The following LHX4 variants were observed in gnomAD, a reference collection of about 807,000 sequenced individuals.
LHX4 encodes LIM/homeobox protein Lhx4.
Under a neutral mutation model 39.2 loss-of-function variants are expected in LHX4, and 16 were observed. That is an observed-to-expected ratio of 0.41 (90% confidence interval 0.28 to 0.62). The LOEUF is 0.62. Among genes scored for constraint, LHX4 ranks in the 20% least tolerant of loss-of-function variants. The pLI, the probability that LHX4 is intolerant of heterozygous loss-of-function variation, is 0.33. For synonymous variants in LHX4, 206 were observed against 198.1 expected, an observed-to-expected ratio of 1.04 and a Z score of -0.33; for missense variants, 439 against 511.9, an observed-to-expected ratio of 0.86 and a Z score of 1.37.
chr1:180,256,759 T>C (rs1411364802), intron 2 of LHX4, among the ~76,000 whole-genome samples: 1 of 152,070 alleles, frequency 6.6e-6, no homozygotes, highest in Admixed American at 6.6e-5. Context: ...CCCCGATGCG[T>C]CTCCCGCTCG....
rs1648319823 is a variant in LHX4, at chr1:180,266,534, T to C, written c.391T>C (p.Tyr131His). ...NRQLATGDEF[Y>H]LMEDGRLVCK... is the part of the protein sequence containing the mutation. The stretch of plus-strand genomic sequence containing the variant: ...GCAGCTGGCCACGGGGGACGAATTC[T>C]ACCTCATGGAGGACGGGCGGCTGGT... Residue 131 changes from tyrosine (Y) to histidine (H), a missense_variant, in exon 3 of 6, where the codon TAC becomes CAC. Tyr to His is a moderately conservative substitution (Grantham distance 83). Coordinates refer to ENST00000263726, the MANE Select transcript of LHX4 (RefSeq NM_033343.4). The surrounding 1 kb of genome is among the most constrained non-coding windows in gnomAD (Gnocchi z 5.7). The C allele has an allele frequency of 1.2e-6, 2 of 1,614,074 alleles. No individual in the cohort carries two copies. The highest frequency in any genetic ancestry group is 2.2e-5 in the South Asian group (2 of 91,090).
At chr1:180,261,058 C>A (rs1057379873) in intron 2 of LHX4, among the ~76,000 whole-genome samples, 1 of 151,866 alleles carries the variant, frequency 6.6e-6, no homozygotes, top group African/African-American at 2.4e-5. Flanking sequence ...GTTTAGTAAA[C>A]CATGGGCCTC....
upstream of LHX4, among the ~76,000 whole-genome samples, chr1:180,229,969 G>GGGGC (rs1331926125): frequency 1.3e-3 from 184 of 145,086 alleles, no homozygotes; most frequent in Non-Finnish European, 2.5e-3. Context: ...CGGGGAGGGG[G>GGGGC]GGGGGGTGCC....
rs965284536 is a variant in LHX4, at chr1:180,274,773, A to G, written c.*194A>G. 1.4e-5 allele frequency: 9 copies of G among 638,448 alleles called. No individual in the cohort carries two copies. The highest frequency in any genetic ancestry group is 2.4e-5 in the Non-Finnish European group (9 of 379,434). The allele number at this position is 638,448 out of a possible 1,614,324, so 39.5% of individuals were successfully genotyped here. On this transcript the variant is annotated 3_prime_UTR_variant, in exon 6 of 6. Transcript: ENST00000263726. ...TGTTTCCCTGGGGAAGCAGTGGGAG[A>G]GCAGACTCATCTCAGAACACAGCAC... is the stretch of plus-strand genomic sequence containing the variant.
At chr1:180,273,566 T>C (rs1648822551) in intron 5 of LHX4, 1 of 152,612 alleles carries the variant, frequency 6.6e-6, no homozygotes, top group Non-Finnish European at 1.5e-5. Flanking sequence ...ATCCCCTTAA[T>C]GAAATTCTTT....
In LHX4 at chr1:180,267,375, C is replaced by T. The variant is rs191639432; in HGVS notation, c.451+781C>T. 7.9e-5 allele frequency among the ~76,000 whole-genome samples: 12 copies of T among 152,402 alleles called. No individual in the cohort carries two copies. In the East Asian group the frequency reaches 1.5e-3, roughly 20 times the overall value. On this transcript the variant is annotated intron_variant, in intron 3 of 5. Coordinates refer to ENST00000263726, the MANE Select transcript of LHX4 (RefSeq NM_033343.4). The stretch of plus-strand genomic sequence containing the variant: ...CCTGGAAAGGCCTAGCTTGGCCTGG[C>T]GGCAGCGGCTCTCGCCCTACATGCC...
At chr1:180,251,184 TGGC>T (rs1647612094) in intron 2 of LHX4, among the ~76,000 whole-genome samples, 1 of 152,198 alleles carries the variant, frequency 6.6e-6, no homozygotes, top group Non-Finnish European at 1.5e-5. Flanking sequence ...CCAGAGGCAC[TGGC>T]GCATCAGAGC....
At chr1:180,274,103 A>G (rs1648866865) in intron 5 of LHX4, 82 bp from the exon 6 acceptor site, 2 of 1,551,726 alleles carry the variant, frequency 1.3e-6, no homozygotes, top group Admixed American at 3.3e-5. Context: ...TTTCCTGGTC[A>G]TGTGTGTTCC....
intron 1 of LHX4, among the ~76,000 whole-genome samples, chr1:180,243,629 G>A (rs1488103809): frequency 6.6e-6 from 1 of 152,062 alleles, no homozygotes; most frequent in Non-Finnish European, 1.5e-5. Flanking sequence ...AAGTAGGGAT[G>A]GGCGCCATCA....
At chr1:180,243,608 C>T (rs1181654393) in intron 1 of LHX4, among the ~76,000 whole-genome samples, 1 of 152,050 alleles carries the variant, frequency 6.6e-6, no homozygotes, top group Non-Finnish European at 1.5e-5. Context: ...CACAGGTCTC[C>T]ACATCCTCAC....
At chr1:180,268,752 C>T (rs1178293295) in intron 3 of LHX4, among the ~76,000 whole-genome samples, 1 of 152,184 alleles carries the variant, frequency 6.6e-6, no homozygotes, top group Non-Finnish European at 1.5e-5. Flanking sequence ...CTGGCCTGTT[C>T]CCCGGGTCCT....
chr1:180,239,337 G>T (rs922996426), intron 1 of LHX4, among the ~76,000 whole-genome samples: 4 of 152,176 alleles, frequency 2.6e-5, no homozygotes, highest in Non-Finnish European at 5.9e-5. Flanking sequence ...TCTGCAATTT[G>T]TTGTTTTCTC....
At chr1:180,240,141 A>T (rs1482054774) in intron 1 of LHX4, among the ~76,000 whole-genome samples, 3 of 152,254 alleles carry the variant, frequency 2.0e-5, no homozygotes. Flanking sequence ...ACATCAAAGT[A>T]CAAACTTTAC....
At chr1:180,233,448 C>G (rs2149251439) in intron 1 of LHX4, among the ~76,000 whole-genome samples, 1 of 152,294 alleles carries the variant, frequency 6.6e-6, no homozygotes, top group East Asian at 1.9e-4. Flanking sequence ...GTAGGGACGT[C>G]GAGATCCGAA....
intron 2 of LHX4, among the ~76,000 whole-genome samples, chr1:180,252,791 T>G (rs562256754): frequency 3.9e-5 from 6 of 152,166 alleles, no homozygotes; most frequent in African/African-American, 1.4e-4. Context: ...CAGGGGCATG[T>G]GGCGATCCTG....
At position 180,230,860 on chromosome 1, in the gene LHX4, A is replaced by G. The variant is rs1558205585; in HGVS notation, c.76+255A>G. 6.6e-6 allele frequency among the ~76,000 whole-genome samples: 1 copy of G among 152,216 alleles called. No individual in the cohort carries two copies. The highest frequency in any genetic ancestry group is 2.4e-5 in the African/African-American group (1 of 41,460). On this transcript the variant is annotated intron_variant, in intron 1 of 5. Coordinates refer to ENST00000263726, the MANE Select transcript of LHX4 (RefSeq NM_033343.4). This position sits in a 1 kb window ranked among gnomAD's most constrained non-coding sequence, Gnocchi z 5.8. Reference sequence around the variant, plus strand: ...TACCGAACCCCGCATCTCCAGCCCAAGGCTTTTCTTGGAACGCTGGGGAGA... The same window carrying G: ...TACCGAACCCCGCATCTCCAGCCCAGGGCTTTTCTTGGAACGCTGGGGAGA...
At chr1:180,230,097 G>A (rs2149250186), upstream of LHX4, among the ~76,000 whole-genome samples, 1 of 152,050 alleles carries the variant, frequency 6.6e-6, no homozygotes. This position sits in a 1 kb window ranked among gnomAD's most constrained non-coding sequence, Gnocchi z 5.8. Flanking sequence ...CCGGGTTGGG[G>A]GATGTGCCGA....
At chr1:180,273,074 G>A (rs1648788784) in intron 5 of LHX4, 1 of 152,258 alleles carries the variant, frequency 6.6e-6, no homozygotes, top group Non-Finnish European at 1.5e-5. Flanking sequence ...TTTTCATAAG[G>A]GGAATGGGGG....
At chr1:180,260,185 T>C (rs1289733335) in intron 2 of LHX4, among the ~76,000 whole-genome samples, 3 of 151,622 alleles carry the variant, frequency 2.0e-5, no homozygotes. Flanking sequence ...AGATCACATG[T>C]GCAGGGCCCA....
Sources: gnomAD v4.1 joint callset for allele counts (sites outside exome capture counted in the v4.1 genomes callset) on GRCh38, gnomAD v4.1.1 for gene constraint, Gnocchi (gnomAD v3.1) non-coding constraint, MANE v1.5 for transcripts, NCBI Gene and HGNC (gene_info 2026-07-23, HGNC 2026-07-21) for gene names.